The following MAF variants were observed in gnomAD, a reference collection of about 807,000 sequenced individuals.
The protein encoded by MAF is MAF bZIP transcription factor, also known as transcription factor Maf.
Under a neutral mutation model 22.0 loss-of-function variants are expected in MAF, and 10 were observed. The ratio of observed to expected loss-of-function variants is 0.45; its 90% CI spans 0.28 to 0.77. The LOEUF is 0.77. Ranked by LOEUF, MAF falls within the 30% of genes least tolerant of loss-of-function variation. MAF has a pLI of 0.12. For synonymous variants in MAF, 337 were observed against 255.8 expected (o/e 1.32, Z -3.03); for missense variants, 544 against 548.4 (o/e 0.99, Z 0.08).
At chr16:79,291,159 C>A in the MAF span, among the ~76,000 whole-genome samples, 2 of 152,146 alleles carry the variant, frequency 1.3e-5, no homozygotes, top group African/African-American at 2.4e-5. Context: ...ATGGGGCCGT[C>A]GTCTGCTGGT....
the MAF span, among the ~76,000 whole-genome samples, chr16:79,280,692 A>T: frequency 6.6e-6 from 1 of 152,296 alleles, no homozygotes; most frequent in South Asian, 2.1e-4. Flanking sequence ...GGGTGATGCT[A>T]GACTTCAGCT....
the MAF span, among the ~76,000 whole-genome samples, chr16:79,289,181 G>A: frequency 5.3e-5 from 8 of 152,296 alleles, no homozygotes; most frequent in South Asian, 1.7e-3. Flanking sequence ...AACACTGTAG[G>A]GATTTCAAGC....
chr16:79,227,658 A>T, the MAF span, among the ~76,000 whole-genome samples: 7 of 151,992 alleles, frequency 4.6e-5, no homozygotes, highest in Non-Finnish European at 1.5e-5. Flanking sequence ...ACTTGCTAAA[A>T]ATTTGAACTA....
rs1382476167 is a variant in MAF at position 79,599,525 on chromosome 16, G to T, written c.378C>A (p.Gly126=). 1 of 1,549,926 alleles carries T rather than the reference G, an allele frequency of 6.5e-7. No homozygotes were observed. Among genetic ancestry groups the T allele is most frequent in the Admixed American group, 2.0e-5 (1 of 51,178 alleles). Residue 126 remains glycine (G), a synonymous_variant, in exon 1 of 2, where the codon GGC becomes GGA. Transcript: ENST00000326043. ...ALISNSHQLQ[G]GFDGYARGAQ... is the part of the protein sequence containing the mutation. ...CCCCGCGCGCGTAGCCATCGAAGCC[G>T]CCCTGGAGCTGGTGGCTGTTGCTGA... is the stretch of plus-strand genomic sequence containing the variant.
At chr16:79,584,570 G>A (rs1912726192), downstream of MAF, among the ~76,000 whole-genome samples, 1 of 152,090 alleles carries the variant, frequency 6.6e-6, no homozygotes, top group Non-Finnish European at 1.5e-5. Flanking sequence ...TTAACTCTTT[G>A]CTGAAAATGG....
chr16:79,436,789 G>T, the MAF span, among the ~76,000 whole-genome samples: 2 of 152,124 alleles, frequency 1.3e-5, no homozygotes, highest in East Asian at 3.9e-4. Context: ...AACATGAGCT[G>T]GGTCTCCACC....
At chr16:79,332,636 T>A in the MAF span, among the ~76,000 whole-genome samples, 4 of 152,220 alleles carry the variant, frequency 2.6e-5, no homozygotes, top group African/African-American at 2.4e-5. Context: ...TTATCAAACA[T>A]GCTACATGCC....
At chr16:79,427,670 C>T in the MAF span, among the ~76,000 whole-genome samples, 1 of 152,062 alleles carries the variant, frequency 6.6e-6, no homozygotes, top group African/African-American at 2.4e-5. Context: ...TTCTGCCTCT[C>T]CTTTAAGGAT....
chr16:79,339,237 A>T, the MAF span, among the ~76,000 whole-genome samples: 1 of 144,254 alleles, frequency 6.9e-6, no homozygotes, highest in African/African-American at 2.8e-5. Context: ...GCCCGGCTAA[A>T]TTTTTTGTAT....
the MAF span, among the ~76,000 whole-genome samples, chr16:79,383,444 T>C: frequency 6.6e-6 from 1 of 152,180 alleles, no homozygotes; most frequent in Non-Finnish European, 1.5e-5. Flanking sequence ...AGAATCTATA[T>C]GATGGTAAAC....
At chr16:79,477,420 G>A in the MAF span, among the ~76,000 whole-genome samples, 35 of 152,252 alleles carry the variant, frequency 2.3e-4, no homozygotes, top group Non-Finnish European at 4.4e-4. Context: ...GCCTCCACGA[G>A]CCTGGCTGTC....
At chr16:79,267,411 T>C in the MAF span, among the ~76,000 whole-genome samples, 9 of 152,172 alleles carry the variant, frequency 5.9e-5, no homozygotes, top group African/African-American at 2.2e-4. Flanking sequence ...CAGATTGTTT[T>C]AGGTGTGTGT....
chr16:79,450,719 G>A, the MAF span, among the ~76,000 whole-genome samples: 1 of 152,194 alleles, frequency 6.6e-6, no homozygotes, highest in Non-Finnish European at 1.5e-5. Flanking sequence ...CAACTCGGAT[G>A]GAGATGGAGA....
At chr16:79,449,512 T>G in the MAF span, among the ~76,000 whole-genome samples, 3 of 152,210 alleles carry the variant, frequency 2.0e-5, no homozygotes, top group African/African-American at 7.2e-5. Flanking sequence ...CCTCTCTTCC[T>G]GCTAGAGAAA....
the MAF span, among the ~76,000 whole-genome samples, chr16:79,292,790 G>A: frequency 1.8e-4 from 28 of 152,154 alleles, no homozygotes; most frequent in Admixed American, 5.9e-4. Context: ...CCAAGATGGC[G>A]ATGATAGTAA....
chr16:79,520,221 T>G, the MAF span, among the ~76,000 whole-genome samples: 2 of 152,168 alleles, frequency 1.3e-5, no homozygotes, highest in Non-Finnish European at 2.9e-5. Flanking sequence ...GGGGCCATCT[T>G]ATATAATTCA....
the MAF span, among the ~76,000 whole-genome samples, chr16:79,288,093 G>A: frequency 1.3e-5 from 2 of 152,134 alleles, no homozygotes; most frequent in African/African-American, 2.4e-5. Flanking sequence ...AGGCATTGGA[G>A]GGAGGGCAGA....
the MAF span, among the ~76,000 whole-genome samples, chr16:79,227,205 T>C: frequency 6.6e-6 from 1 of 151,964 alleles, no homozygotes; most frequent in Non-Finnish European, 1.5e-5. Context: ...CAAAAAATTA[T>C]CCAGGCATGG....
At chr16:79,212,696 A>ATGT in the MAF span, 2 of 152,158 alleles carry the variant, frequency 1.3e-5, no homozygotes, top group Non-Finnish European at 2.9e-5. Flanking sequence ...GTTTCTTTAA[A>ATGT]TGTTTGTTTC....
Sources: allele counts gnomAD v4.1 joint callset (sites outside exome capture counted in the v4.1 genomes callset), GRCh38; gene constraint gnomAD v4.1.1; transcripts MANE v1.5; gene names NCBI Gene and HGNC (gene_info 2026-07-23, HGNC 2026-07-21).